The following GRID2 variants were observed in gnomAD, a reference collection of about 807,000 sequenced individuals.
The protein encoded by GRID2 is glutamate receptor ionotropic, delta-2.
A neutral mutation model predicts 114.8 loss-of-function variants in GRID2; 33 were observed. The observed-to-expected ratio is 0.29, with a 90% CI of 0.22 to 0.38. The LOEUF (loss-of-function observed/expected upper bound fraction) is 0.38, where lower values mean the gene tolerates loss of function less well. GRID2 is among the 10% of genes least tolerant of loss of function. The pLI is 1.00. For synonymous variants in GRID2, 505 were observed against 449.9 expected (o/e 1.12, Z -1.55); for missense variants, 1,184 against 1,257.7 (o/e 0.94, Z 0.89).
intron 1 of GRID2, among the ~76,000 whole-genome samples, chr4:92,445,556 G>C (rs1365996178): frequency 6.6e-6 from 1 of 152,170 alleles, no homozygotes; most frequent in Admixed American, 6.5e-5. Flanking sequence ...AAGGAGCAAT[G>C]GTGGAAATCC....
At chr4:92,675,235 G>T (rs1733286122) in intron 2 of GRID2, among the ~76,000 whole-genome samples, 1 of 152,102 alleles carries the variant, frequency 6.6e-6, no homozygotes, top group African/African-American at 2.4e-5. Flanking sequence ...CCTGACTCAG[G>T]TTAATCAGAA....
At chr4:93,724,685 T>C (rs1729682687) in intron 14 of GRID2, among the ~76,000 whole-genome samples, 1 of 151,644 alleles carries the variant, frequency 6.6e-6, no homozygotes, top group South Asian at 2.1e-4. Flanking sequence ...GAGGAATGAG[T>C]GGGGAGAGAA....
chr4:92,902,723 C>G (rs1281938390), intron 2 of GRID2, among the ~76,000 whole-genome samples: 2 of 151,978 alleles, frequency 1.3e-5, no homozygotes, highest in African/African-American at 2.4e-5. Flanking sequence ...GTCCAATATT[C>G]CCAGTACCGT....
At chr4:93,633,797 G>T (rs569654154) in intron 14 of GRID2, among the ~76,000 whole-genome samples, 1 of 152,196 alleles carries the variant, frequency 6.6e-6, no homozygotes, top group East Asian at 1.9e-4. Flanking sequence ...TTCCCACAAG[G>T]AAAGTAAAAA....
intron 11 of GRID2, among the ~76,000 whole-genome samples, chr4:93,466,821 G>C (rs1724320692): frequency 6.6e-6 from 1 of 152,100 alleles, no homozygotes; most frequent in Non-Finnish European, 1.5e-5. Context: ...ATAACTATTT[G>C]ATAGTTTAAT....
chr4:92,725,437 T>C (rs1171965610), intron 2 of GRID2, among the ~76,000 whole-genome samples: 1 of 152,182 alleles, frequency 6.6e-6, no homozygotes, highest in Non-Finnish European at 1.5e-5. Context: ...ATGGAACAAG[T>C]TGGATTAAAC....
intron 2 of GRID2, among the ~76,000 whole-genome samples, chr4:92,957,217 G>A (rs188252684): frequency 1.3e-4 from 20 of 151,930 alleles, no homozygotes; most frequent in East Asian, 7.7e-4. Context: ...TATCTGAAAC[G>A]TTACCATCAA....
chr4:93,689,450 T>TA (rs1375330388), intron 14 of GRID2, among the ~76,000 whole-genome samples: 1 of 152,004 alleles, frequency 6.6e-6, no homozygotes, highest in Non-Finnish European at 1.5e-5. Flanking sequence ...TTTGGATAAA[T>TA]AAATCATTAA....
At chr4:92,736,354 C>T (rs1338923517) in intron 2 of GRID2, among the ~76,000 whole-genome samples, 1 of 151,946 alleles carries the variant, frequency 6.6e-6, no homozygotes, top group African/African-American at 2.4e-5. Context: ...TTGATTTTAG[C>T]CACATGAAAT....
At chr4:93,526,792 A>G (rs1448583378) in intron 13 of GRID2, among the ~76,000 whole-genome samples, 4 of 152,212 alleles carry the variant, frequency 2.6e-5, no homozygotes, top group African/African-American at 9.6e-5. Context: ...CTGGGCAACA[A>G]GAGTGAAACT....
chr4:93,501,047 C>T (rs968312272), intron 12 of GRID2, among the ~76,000 whole-genome samples: 2 of 151,812 alleles, frequency 1.3e-5, no homozygotes. Flanking sequence ...AGTTCAGTGC[C>T]TTATGTAGTG....
At chr4:93,244,166 C>T (rs1209397484) in intron 8 of GRID2, among the ~76,000 whole-genome samples, 1 of 151,910 alleles carries the variant, frequency 6.6e-6, no homozygotes, top group East Asian at 1.9e-4. Context: ...GACTGAATTC[C>T]AGTATTAAAA....
intron 2 of GRID2, among the ~76,000 whole-genome samples, chr4:92,954,894 C>T (rs986485311): frequency 1.4e-5 from 2 of 139,286 alleles, no homozygotes; most frequent in African/African-American, 2.8e-5. Context: ...CGATAGTTTA[C>T]TGAGAATGAT....
At chr4:92,733,966 A>G (rs1440005568) in intron 2 of GRID2, among the ~76,000 whole-genome samples, 3 of 152,032 alleles carry the variant, frequency 2.0e-5, no homozygotes, top group African/African-American at 7.2e-5. Context: ...CTCACTTCCA[A>G]TTATGTGTGA....
At chr4:92,892,387 T>C (rs1451633652) in intron 2 of GRID2, among the ~76,000 whole-genome samples, 1 of 152,210 alleles carries the variant, frequency 6.6e-6, no homozygotes, top group Non-Finnish European at 1.5e-5. Flanking sequence ...AGAGATATAT[T>C]TTCTTCATTG....
At chr4:93,140,032 T>C (rs55775839) in intron 4 of GRID2, among the ~76,000 whole-genome samples, 11,837 of 152,084 alleles carry the variant, frequency 0.078, 546 homozygotes, top group East Asian at 0.23. Flanking sequence ...GAAATAGATA[T>C]ATGCAAACAA....
chr4:93,191,538 T>G (rs2149447744), intron 4 of GRID2, among the ~76,000 whole-genome samples: 1 of 152,272 alleles, frequency 6.6e-6, no homozygotes, highest in South Asian at 2.1e-4. Context: ...CTAAATATAT[T>G]TTATACAAAT....
At chr4:93,386,703 AG>A in intron 8 of GRID2, among the ~76,000 whole-genome samples, 1 of 152,278 alleles carries the variant, frequency 6.6e-6, no homozygotes, top group East Asian at 1.9e-4. Context: ...CCAAACAAAA[AG>A]TTCCTATGGT....
intron 2 of GRID2, among the ~76,000 whole-genome samples, chr4:92,792,869 C>T (rs1252339858): frequency 4.0e-5 from 6 of 149,354 alleles, no homozygotes; most frequent in South Asian, 2.1e-4. Context: ...TATTTAATTC[C>T]AGGACCAGCG....
Sources: allele counts gnomAD v4.1 joint callset (sites outside exome capture counted in the v4.1 genomes callset), GRCh38; gene constraint gnomAD v4.1.1; transcripts MANE v1.5; gene names NCBI Gene and HGNC (gene_info 2026-07-23, HGNC 2026-07-21).